TCF7L1: variants seen among roughly 807,000 people sequenced by gnomAD.
TCF7L1 encodes transcription factor 7 like 1, also known as transcription factor 7-like 1.
Under a neutral mutation model 63.7 loss-of-function variants are expected in TCF7L1, and 18 were observed. That is an observed-to-expected ratio of 0.28 (90% CI 0.20 to 0.42). The LOEUF (loss-of-function observed/expected upper bound fraction) is 0.42, where lower values mean the gene tolerates loss of function less well. Among genes scored for constraint, TCF7L1 ranks in the 10% least tolerant of loss-of-function variants. The pLI, the probability that TCF7L1 is intolerant of heterozygous loss-of-function variation, is 1.00. For synonymous variants in TCF7L1, 355 were observed against 340.9 expected (o/e 1.04, Z -0.46); for missense variants, 654 against 779.3 (o/e 0.84, Z 1.91).
chr2:85,298,426 G>A (rs1189975294), intron 4 of TCF7L1, among the ~76,000 whole-genome samples: 1 of 142,766 alleles, frequency 7.0e-6, no homozygotes, highest in Non-Finnish European at 1.5e-5. Context: ...GGGAGGCGGA[G>A]GTTGCAGTGA....
intron 3 of TCF7L1, among the ~76,000 whole-genome samples, chr2:85,225,276 A>G (rs1472784006): frequency 6.6e-6 from 1 of 152,186 alleles, no homozygotes; most frequent in Non-Finnish European, 1.5e-5. Context: ...TTTTGGTTCC[A>G]TATGAAATTT....
At chr2:85,135,192 A>G (rs940071203) in intron 3 of TCF7L1, among the ~76,000 whole-genome samples, 6 of 152,102 alleles carry the variant, frequency 3.9e-5, no homozygotes, top group African/African-American at 7.2e-5. Context: ...CGACGTGCAA[A>G]TGAGGGCGGA....
intron 3 of TCF7L1, among the ~76,000 whole-genome samples, chr2:85,190,466 G>A (rs1032128382): frequency 1.3e-5 from 2 of 152,168 alleles, no homozygotes; most frequent in African/African-American, 4.8e-5. Context: ...GCAGGAAAGG[G>A]CAGGACCTGG....
chr2:85,150,602 T>C (rs1677987248), intron 3 of TCF7L1, among the ~76,000 whole-genome samples: 1 of 150,836 alleles, frequency 6.6e-6, no homozygotes, highest in African/African-American at 2.4e-5. Flanking sequence ...TTTTTTTTTC[T>C]GGTGTTTCTT....
At chr2:85,263,628 G>A (rs143617853) in intron 3 of TCF7L1, among the ~76,000 whole-genome samples, 1 of 152,294 alleles carries the variant, frequency 6.6e-6, no homozygotes, top group African/African-American at 2.4e-5. Flanking sequence ...AAGGAGCCTT[G>A]GTTGATAGGA....
intron 3 of TCF7L1, among the ~76,000 whole-genome samples, chr2:85,257,973 CAACCCCT>C (rs1329960006): frequency 6.6e-6 from 1 of 152,200 alleles, no homozygotes; most frequent in East Asian, 1.9e-4. Flanking sequence ...CCTGGCTCCA[CAACCCCT>C]AGCTGTGTGG....
chr2:85,222,364 C>A lies in TCF7L1; in HGVS notation c.442-61131C>A, dbSNP rs537417295. Among the ~76,000 whole-genome samples, 679 of 105,982 alleles carry A rather than the reference C, an allele frequency of 6.4e-3. 6 individuals are homozygous for A. The highest frequency in any genetic ancestry group is 0.024 in the South Asian group (75 of 3,066). The allele number at this position is 105,982 out of a possible 152,430, so 69.5% of individuals were successfully genotyped here. ...TCAAAAAAAAAAACAAACAAACAAA[C>A]AAAAAAAAAAACACTAAAGGCTTGG... On this transcript the variant is annotated intron_variant, in intron 3 of 11. Transcript: ENST00000282111.
At chr2:85,248,251 A>C (rs769421526) in intron 3 of TCF7L1, among the ~76,000 whole-genome samples, 3 of 152,090 alleles carry the variant, frequency 2.0e-5, no homozygotes, top group Non-Finnish European at 2.9e-5. Context: ...AATAACAAAC[A>C]CTTGCTTGGT....
chr2:85,254,750 G>T (rs1477476192), intron 3 of TCF7L1, among the ~76,000 whole-genome samples: 1 of 152,104 alleles, frequency 6.6e-6, no homozygotes, highest in East Asian at 1.9e-4. Flanking sequence ...CTGCTCCCCT[G>T]CCCCCACCCT....
In TCF7L1 at chr2:85,262,089, G is replaced by A. The variant is rs538945140; in HGVS notation, c.442-21406G>A. Reference sequence around the variant, plus strand: ...GGAATACCTCCTTTTAGCATGATCCGACCCAGTTGTTTTCTTGACTTTGTT... The same window carrying A: ...GGAATACCTCCTTTTAGCATGATCCAACCCAGTTGTTTTCTTGACTTTGTT... On this transcript the variant is annotated intron_variant, in intron 3 of 11. Transcript: ENST00000282111. 96 of 540,394 alleles carry A rather than the reference G, an allele frequency of 1.8e-4. 2 individuals carry two copies. Among genetic ancestry groups the A allele is most frequent in the South Asian group, 1.2e-3 (84 of 72,494 alleles). The allele number at this position is 540,394 out of a possible 1,614,324, so 33.5% of individuals were successfully genotyped here.
intron 3 of TCF7L1, among the ~76,000 whole-genome samples, chr2:85,277,774 G>A (rs1018254291): frequency 3.9e-5 from 6 of 152,214 alleles, no homozygotes; most frequent in African/African-American, 1.2e-4. Context: ...GGGGAGCTGT[G>A]GATTCTGTAA....
intron 3 of TCF7L1, among the ~76,000 whole-genome samples, chr2:85,268,430 T>C (rs1200236808): frequency 6.6e-6 from 1 of 151,824 alleles, no homozygotes; most frequent in African/African-American, 2.4e-5. Flanking sequence ...TATGCTGTGC[T>C]TAAGGCCGTG....
At chr2:85,156,243 C>T (rs529965949) in intron 3 of TCF7L1, among the ~76,000 whole-genome samples, 4 of 152,324 alleles carry the variant, frequency 2.6e-5, no homozygotes, top group African/African-American at 4.8e-5. Flanking sequence ...CCTCATTCAC[C>T]AAGCTCTGCT....
intron 4 of TCF7L1, among the ~76,000 whole-genome samples, chr2:85,290,412 G>A (rs1179585006): frequency 6.6e-6 from 1 of 152,160 alleles, no homozygotes; most frequent in East Asian, 1.9e-4. Context: ...CTGGCCTCAA[G>A]TGATCCGCCT....
chr2:85,237,751 A>T (rs1395757890), intron 3 of TCF7L1, among the ~76,000 whole-genome samples: 6 of 15,674 alleles, frequency 3.8e-4, no homozygotes, highest in African/African-American at 1.6e-3. Flanking sequence ...ATAATGGGGG[A>T]GGGAGGAGGG....
intron 4 of TCF7L1, among the ~76,000 whole-genome samples, chr2:85,296,029 C>G (rs1220656273): frequency 6.6e-6 from 1 of 152,120 alleles, no homozygotes; most frequent in African/African-American, 2.4e-5. Context: ...CCACCTGCCT[C>G]GGCCTCCCAA....
chr2:85,148,534 C>A (rs1677933129), intron 3 of TCF7L1, among the ~76,000 whole-genome samples: 1 of 152,088 alleles, frequency 6.6e-6, no homozygotes, highest in African/African-American at 2.4e-5. Flanking sequence ...TAAATGGGGA[C>A]AGATAATGCT....
chr2:85,281,002 GT>G (rs1250070072), intron 3 of TCF7L1, among the ~76,000 whole-genome samples: 1 of 143,300 alleles, frequency 7.0e-6, no homozygotes, highest in East Asian at 2.0e-4. Flanking sequence ...TTTAGCCTTT[GT>G]TTATGTCCAT....
chr2:85,272,799 T>C (rs1462042161), intron 3 of TCF7L1, among the ~76,000 whole-genome samples: 1 of 151,892 alleles, frequency 6.6e-6, no homozygotes, highest in Non-Finnish European at 1.5e-5. Flanking sequence ...TATCAATCAA[T>C]CCATTAACCA....
Sources: allele counts gnomAD v4.1 joint callset (sites outside exome capture counted in the v4.1 genomes callset), GRCh38; gene constraint gnomAD v4.1.1; transcripts MANE v1.5; gene names NCBI Gene and HGNC (gene_info 2026-07-23, HGNC 2026-07-21).